RBM14: variants seen among roughly 807,000 people sequenced by gnomAD.
RBM14 encodes the protein RNA-binding protein 14.
In RBM14, 5 loss-of-function variants were observed where a neutral mutation model predicts 52.8. That is an observed-to-expected ratio of 0.09 (90% CI 0.05 to 0.20). The LOEUF (loss-of-function observed/expected upper bound fraction) is 0.20, where lower values mean the gene tolerates loss of function less well. Ranked by LOEUF, RBM14 falls within the 10% of genes least tolerant of loss-of-function variation. The probability of loss-of-function intolerance (pLI) is 1.00; values close to 1 mark genes in which losing one functional copy is unlikely to be tolerated. For synonymous variants in RBM14, 411 were observed against 401.8 expected, an observed-to-expected ratio of 1.02 and a Z score of -0.28; for missense variants, 780 against 926.6, an observed-to-expected ratio of 0.84 and a Z score of 2.05.
rs760089728 is a variant in RBM14 at position 66,626,454 on chromosome 11, C to T, written c.1803-7C>T. The T allele has an allele frequency of 5.0e-6, 8 of 1,609,916 alleles. No individual in the cohort carries two copies. The highest frequency in any genetic ancestry group is 1.7e-5 in the Admixed American group (1 of 59,994). On this transcript the variant is annotated splice_region_variant and splice_polypyrimidine_tract_variant and intron_variant, in intron 2 of 2. Coordinates refer to ENST00000310137, the MANE Select transcript of RBM14 (RefSeq NM_006328.4). Reference sequence around the variant, plus strand: ...TCATTCACCAACTGTCTTCTTCTCTCGACTAGGTATGGTTCCGACCGGCGT... The same window carrying T: ...TCATTCACCAACTGTCTTCTTCTCTTGACTAGGTATGGTTCCGACCGGCGT...
Position 66,624,971 on chromosome 11 carries a change from C to G in RBM14, c.1095C>G (p.Tyr365Ter), listed in dbSNP as rs778180332. 1.2e-6 allele frequency: 2 copies of G among 1,613,926 alleles called. No individual in the cohort carries two copies. Among genetic ancestry groups the G allele is most frequent in the Admixed American group, 1.7e-5 (1 of 59,992 alleles). The stretch of plus-strand genomic sequence containing the variant: ...GGGTTCGTGCAGCTGCTTCTTCCTA[C>G]AACACCCAGGGAGCAGCTTCCTCCT... Reference protein sequence around the residue: ...SYGVRAAASSYNTQGAASSLG... With the variant: ...SYGVRAAASS The change falls in exon 2 of 3, where the codon TAC becomes TAG. Residue 365 changes from tyrosine (Y) to a stop codon, truncating the protein, a stop_gained. Coordinates refer to ENST00000310137, the MANE Select transcript of RBM14 (RefSeq NM_006328.4). LOFTEE classifies it high-confidence loss of function. The surrounding 1 kb of genome is among the most constrained non-coding windows in gnomAD (Gnocchi z 4.7).
At chr11:66,626,037 A>G (rs533105762) in intron 2 of RBM14, among the ~76,000 whole-genome samples, 1 of 152,232 alleles carries the variant, frequency 6.6e-6, no homozygotes, top group South Asian at 2.1e-4. Context: ...TTTGGCAGGG[A>G]TGTGGGTTAA....
intron 1 of RBM14, chr11:66,623,973 G>A: frequency 1.3e-6 from 1 of 747,368 alleles, no homozygotes; most frequent in South Asian, 1.5e-5. Flanking sequence ...AGTTGGGTGA[G>A]ATGGCAGGGT....
chr11:66,616,913 G>A lies in RBM14; in HGVS notation c.193G>A (p.Ala65Thr). Residue 65 changes from alanine to threonine, a missense_variant, in exon 1 of 3, where the codon GCG becomes ACG. Transcript: ENST00000310137. Reference sequence around the variant, plus strand: ...CGGCCACGAGCTGCGGCCGGGGCGCGCGCTCGTGGTGGAGATGTCGCGCCC... The same window carrying A: ...CGGCCACGAGCTGCGGCCGGGGCGCACGCTCGTGGTGGAGATGTCGCGCCC... The part of the protein sequence containing the change: ...LHGHELRPGR[A>T]LVVEMSRPRP... 1.2e-6 allele frequency: 2 copies of A among 1,611,616 alleles called. No individual in the cohort carries two copies. Among genetic ancestry groups the A allele is most frequent in the Non-Finnish European group, 1.7e-6 (2 of 1,179,090 alleles).
Position 66,628,438 on chromosome 11 carries a change from C to T in RBM14, c.*1770C>T, listed in dbSNP as rs1937913996. On this transcript the variant is annotated 3_prime_UTR_variant, in exon 3 of 3. Transcript: ENST00000310137. Reference sequence around the variant, plus strand: ...AACTTGCCTGTGACAGAATATCTTGCCCTAGATGTCCTCTTCCCTCTTGCC... The same window carrying T: ...AACTTGCCTGTGACAGAATATCTTGTCCTAGATGTCCTCTTCCCTCTTGCC... Among the ~76,000 whole-genome samples the T allele has an allele frequency of 6.6e-6, 1 of 152,166 alleles. No homozygotes were observed. The highest frequency in any genetic ancestry group is 2.4e-5 in the African/African-American group (1 of 41,438).
chr11:66,624,406 G>C lies in RBM14; in HGVS notation c.530G>C (p.Gly177Ala), dbSNP rs749085272. The change falls in exon 2 of 3, where the codon GGA becomes GCA. Residue 177 changes from glycine to alanine, a missense_variant. Transcript: ENST00000310137. The surrounding 1 kb of genome is among the most constrained non-coding windows in gnomAD (Gnocchi z 4.7). ...KPGAGDTAFP[G>A]TGGFSATFDY... is the part of the protein sequence containing the mutation. ...GGGGCTGGGGATACGGCCTTCCCTG[G>C]AACTGGTGGCTTCTCTGCCACCTTC... 2 of 1,614,146 alleles carry C rather than the reference G, an allele frequency of 1.2e-6. No homozygotes were observed. Among genetic ancestry groups the C allele is most frequent in the East Asian group, 2.2e-5 (1 of 44,868 alleles).
Position 66,626,617 on chromosome 11 carries a change from T to G in RBM14, c.1959T>G (p.Asn653Lys), listed in dbSNP as rs780258514. The G allele has an allele frequency of 6.2e-7, 1 of 1,613,214 alleles. No individual in the cohort carries two copies. Among genetic ancestry groups the G allele is most frequent in the Non-Finnish European group, 8.5e-7 (1 of 1,179,944 alleles). ...ACGCACGCTATTCGGGCTCCTATAA[T>G]GATTACCTGCGGGCGGCTCAGATGC... Reference protein sequence around the residue: ...SDYARYSGSYNDYLRAAQMHS... With the variant: ...SDYARYSGSYKDYLRAAQMHS... Residue 653 changes from asparagine to lysine, a missense_variant, in exon 3 of 3, where the codon AAT becomes AAG. This residue lies in a region of RBM14 where 675 missense variants were observed against 697.3 expected (regional missense o/e 0.97). Transcript: ENST00000310137.
chr11:66,625,216 C>T lies in RBM14; in HGVS notation c.1340C>T (p.Ala447Val), dbSNP rs781103806. Reference protein sequence around the residue: ...ATAAAYASQPAAYAAQATTPM... With the variant: ...ATAAAYASQPVAYAAQATTPM... ...GCTGCTGCCTATGCCAGCCAGCCAG[C>T]AGCCTACGCCGCACAAGCCACTACC... The change falls in exon 2 of 3, where the codon GCA becomes GTA. Residue 447 changes from alanine to valine, a missense_variant. Transcript: ENST00000310137. The surrounding 1 kb of genome is among the most constrained non-coding windows in gnomAD (Gnocchi z 4.2). 6.2e-7 allele frequency: 1 copy of T among 1,611,402 alleles called. No individual in the cohort carries two copies. Among genetic ancestry groups the T allele is most frequent in the Non-Finnish European group, 8.5e-7 (1 of 1,179,878 alleles).
chr11:66,623,058 G>A (rs183269221), intron 1 of RBM14, among the ~76,000 whole-genome samples: 2 of 152,246 alleles, frequency 1.3e-5, no homozygotes, highest in Admixed American at 1.3e-4. Context: ...CTTTGAGACC[G>A]GCATCCTGTC....
chr11:66,619,995 C>T (rs1859030976), intron 1 of RBM14, among the ~76,000 whole-genome samples: 1 of 152,174 alleles, frequency 6.6e-6, no homozygotes, highest in South Asian at 2.1e-4. Context: ...CTTGATAGTC[C>T]CAATGCAGTG....
In RBM14 at chr11:66,625,715, G is replaced by T; in HGVS notation, c.1802+37G>T. 6.6e-7 allele frequency: 1 copy of T among 1,507,272 alleles called. No individual in the cohort carries two copies. The allele number at this position is 1,507,272 out of a possible 1,614,324, so 93.4% of individuals were successfully genotyped here. ...CCCCCCGCCTCTGCCCCCAGCTGGG[G>T]CTTAGGGCAAGGGGCTGAGGTTGGC... is the stretch of plus-strand genomic sequence containing the variant. On this transcript the variant is annotated intron_variant, in intron 2 of 2. Coordinates refer to ENST00000310137, the MANE Select transcript of RBM14 (RefSeq NM_006328.4). The surrounding 1 kb of genome is among the most constrained non-coding windows in gnomAD (Gnocchi z 4.2).
At chr11:66,622,542 A>G (rs1489109381) in intron 1 of RBM14, among the ~76,000 whole-genome samples, 2 of 152,194 alleles carry the variant, frequency 1.3e-5, no homozygotes, top group African/African-American at 4.8e-5. Context: ...AAGTTTCCTA[A>G]GATCTTATAA....
chr11:66,623,857 T>C lies in RBM14; in HGVS notation c.338-357T>C, dbSNP rs1937658235. ...GAGAACACTGAAGAACTGAGTGATC[T>C]AGGAACGCTTTCTGCATTTTGTTCT... On this transcript the variant is annotated intron_variant, in intron 1 of 2. Coordinates refer to ENST00000310137, the MANE Select transcript of RBM14 (RefSeq NM_006328.4). The C allele has an allele frequency of 4.2e-6, 3 of 717,396 alleles. No homozygotes were observed. The East Asian group carries it at 8.0e-5, about 19-fold the overall frequency. The allele number at this position is 717,396 out of a possible 1,614,324, so 44.4% of individuals were successfully genotyped here. A position where few individuals can be genotyped will look rare whatever the true frequency, so the allele number is the denominator to read the frequency against.
intron 1 of RBM14, 119 bp downstream of exon 1, chr11:66,617,176 G>A: frequency 1.4e-6 from 2 of 1,460,244 alleles, no homozygotes; most frequent in Non-Finnish European, 1.8e-6. Context: ...GTGCGCGGGA[G>A]CAGGTCGGAG....
chr11:66,625,800 G>T lies in RBM14; in HGVS notation c.1802+122G>T. 2 of 795,448 alleles carry T rather than the reference G, an allele frequency of 2.5e-6. No homozygotes were observed. The highest frequency in any genetic ancestry group is 3.9e-6 in the Non-Finnish European group (2 of 514,180). The allele number at this position is 795,448 out of a possible 1,614,324, so 49.3% of individuals were successfully genotyped here. On this transcript the variant is annotated intron_variant, in intron 2 of 2. Coordinates refer to ENST00000310137, the MANE Select transcript of RBM14 (RefSeq NM_006328.4). The surrounding 1 kb of genome is among the most constrained non-coding windows in gnomAD (Gnocchi z 4.2). The stretch of plus-strand genomic sequence containing the variant: ...CGGTCTTCTCTTCTCTATTTTTGTG[G>T]GATGTCCAGAGGCCGAGGGGAGCAG...
In RBM14 at chr11:66,628,807, C is replaced by G. The variant is rs926141787; in HGVS notation, c.*2139C>G. On this transcript the variant is annotated 3_prime_UTR_variant, in exon 3 of 3. Coordinates refer to ENST00000310137, the MANE Select transcript of RBM14 (RefSeq NM_006328.4). ...AATTTTTCTTTGTCAGTGTGGCTTT[C>G]TGTCATCTTCCTTTTTCTCCAGTGA... Among the ~76,000 whole-genome samples, 1 of 152,144 alleles carries G rather than the reference C, an allele frequency of 6.6e-6. No homozygotes were observed. The highest frequency in any genetic ancestry group is 2.4e-5 in the African/African-American group (1 of 41,418).
rs1028171922 is a variant in RBM14, at chr11:66,624,023, T to A, written c.338-191T>A. On this transcript the variant is annotated intron_variant, in intron 1 of 2. Coordinates refer to ENST00000310137, the MANE Select transcript of RBM14 (RefSeq NM_006328.4). The surrounding 1 kb of genome is among the most constrained non-coding windows in gnomAD (Gnocchi z 4.7). ...ATGGGAAGAAGGCTGTAGGCAAAGA[T>A]GACTGCTTGGGACAGTCAGAAGCTT... The A allele has an allele frequency of 7.2e-6, 7 of 976,758 alleles. No homozygotes were observed. Among genetic ancestry groups the A allele is most frequent in the Non-Finnish European group, 1.1e-5 (7 of 622,584 alleles). The allele number at this position is 976,758 out of a possible 1,614,324, so 60.5% of individuals were successfully genotyped here.
chr11:66,617,224 C>T (rs752519200), intron 1 of RBM14, 167 bp downstream of exon 1: 20 of 1,427,922 alleles, frequency 1.4e-5, no homozygotes, highest in Admixed American at 5.8e-5. Flanking sequence ...CCCTCCTCCC[C>T]TGCGGTCCAG....
chr11:66,617,425 A>G, intron 1 of RBM14: 1 of 1,072,384 alleles, frequency 9.3e-7, no homozygotes, highest in Non-Finnish European at 1.1e-6. Context: ...TGAAGCGGGG[A>G]AGATTTCTCC....
Sources: gnomAD v4.1 joint callset for allele counts (sites outside exome capture counted in the v4.1 genomes callset) on GRCh38, gnomAD v4.1.1 for gene constraint, gnomAD v4.1.1 regional missense constraint, Gnocchi (gnomAD v3.1) non-coding constraint, MANE v1.5 for transcripts, NCBI Gene and HGNC (gene_info 2026-07-23, HGNC 2026-07-21) for gene names.